PCDH9: variants seen among roughly 807,000 people sequenced by gnomAD.
PCDH9 encodes the protein protocadherin-9.
Under a neutral mutation model 70.6 loss-of-function variants are expected in PCDH9, and 24 were observed. That is an observed-to-expected ratio of 0.34 (90% confidence interval 0.25 to 0.48). The LOEUF (loss-of-function observed/expected upper bound fraction) is 0.48, where lower values mean the gene tolerates loss of function less well. PCDH9 is among the 20% of genes least tolerant of loss of function. The pLI is 0.99. For synonymous variants in PCDH9, 562 were observed against 558.5 expected, an observed-to-expected ratio of 1.01 and a Z score of -0.09; for missense variants, 1,281 against 1,503.6, an observed-to-expected ratio of 0.85 and a Z score of 2.45.
At chr13:66,864,662 A>G (rs902163202) in intron 3 of PCDH9, among the ~76,000 whole-genome samples, 1 of 152,136 alleles carries the variant, frequency 6.6e-6, no homozygotes, top group African/African-American at 2.4e-5. Context: ...CCTGCCCCCA[A>G]AATTTCTCTG....
At chr13:66,946,036 T>G (rs1201471189) in intron 2 of PCDH9, among the ~76,000 whole-genome samples, 1 of 152,196 alleles carries the variant, frequency 6.6e-6, no homozygotes, top group East Asian at 1.9e-4. Flanking sequence ...ATTGAATGGA[T>G]GAAAATAGCA....
intron 3 of PCDH9, among the ~76,000 whole-genome samples, chr13:66,667,534 C>G (rs1427811232): frequency 6.6e-6 from 1 of 152,084 alleles, no homozygotes; most frequent in African/African-American, 2.4e-5. Flanking sequence ...GCCCATGGAC[C>G]TAGTGGAGCT....
Position 67,019,188 on chromosome 13 carries a change from C to T in PCDH9, c.3037-115583G>A, listed in dbSNP as rs865967031. Among the ~76,000 whole-genome samples the T allele has an allele frequency of 9.2e-3, 946 of 102,684 alleles. 2 individuals carry two copies. Among genetic ancestry groups the T allele is most frequent in the Middle Eastern group, 0.014 (2 of 142 alleles). 67.4% of individuals were successfully genotyped at this position (102,684 alleles called of 152,430 possible). A position where few individuals can be genotyped will look rare whatever the true frequency, so the allele number is the denominator to read the frequency against. ...TCCTTAACACCTTCAGGCAGTTGCTCTTTTTTTTTTTTTTTTTTTTTCTGA... is the reference window on the plus strand; with the variant it reads ...TCCTTAACACCTTCAGGCAGTTGCTTTTTTTTTTTTTTTTTTTTTTTCTGA... On this transcript the variant is annotated intron_variant, in intron 2 of 4. Transcript: ENST00000377865.
chr13:66,816,470 A>G (rs1329370717), intron 3 of PCDH9, among the ~76,000 whole-genome samples: 2 of 151,886 alleles, frequency 1.3e-5, no homozygotes, highest in African/African-American at 4.8e-5. Flanking sequence ...ACACACTCAC[A>G]CTCACCATTC....
chr13:67,204,006 C>G (rs2089279953), intron 2 of PCDH9: 1 of 151,964 alleles, frequency 6.6e-6, no homozygotes, highest in Admixed American at 6.6e-5. Context: ...CTTATTAAAA[C>G]TTCAAAAAGA....
chr13:66,632,555 TA>T (rs1363981501), intron 3 of PCDH9, among the ~76,000 whole-genome samples: 3 of 152,204 alleles, frequency 2.0e-5, no homozygotes, highest in African/African-American at 7.2e-5. Context: ...GTATACATGG[TA>T]ACTTCAATAC....
At chr13:66,911,208 A>G (rs2082459805) in intron 2 of PCDH9, among the ~76,000 whole-genome samples, 1 of 152,182 alleles carries the variant, frequency 6.6e-6, no homozygotes, top group Non-Finnish European at 1.5e-5. Flanking sequence ...ATGTGCAGTA[A>G]CAGAACTGAC....
At chr13:67,030,337 T>G (rs1252654894) in intron 2 of PCDH9, among the ~76,000 whole-genome samples, 1 of 152,176 alleles carries the variant, frequency 6.6e-6, no homozygotes, top group Non-Finnish European at 1.5e-5. Context: ...CAACTGAGGC[T>G]AAGAGGATAC....
intron 3 of PCDH9, among the ~76,000 whole-genome samples, chr13:66,649,172 A>G (rs2138985566): frequency 6.6e-6 from 1 of 152,322 alleles, no homozygotes; most frequent in East Asian, 1.9e-4. Context: ...CTTCCCTAAC[A>G]TAGAGAAACA....
At chr13:66,777,450 C>G (rs1335356869) in intron 3 of PCDH9, among the ~76,000 whole-genome samples, 1 of 151,926 alleles carries the variant, frequency 6.6e-6, no homozygotes, top group Non-Finnish European at 1.5e-5. Context: ...AACAAACAAC[C>G]CCATCAAAAA....
intron 4 of PCDH9, among the ~76,000 whole-genome samples, chr13:66,411,688 T>G (rs1957373274): frequency 6.6e-6 from 1 of 151,868 alleles, no homozygotes; most frequent in African/African-American, 2.4e-5. Context: ...GATGGATAGA[T>G]AGATACCCTA....
chr13:66,720,044 C>T (rs561883844), intron 3 of PCDH9, among the ~76,000 whole-genome samples: 1 of 152,274 alleles, frequency 6.6e-6, no homozygotes, highest in South Asian at 2.1e-4. Flanking sequence ...ACCCAGCTAC[C>T]ATGTTTTAGC....
intron 2 of PCDH9, among the ~76,000 whole-genome samples, chr13:66,944,817 CTGTGTGTGTGTGTG>C (rs67182136): frequency 2.1e-4 from 29 of 135,348 alleles, no homozygotes; most frequent in Non-Finnish European, 9.5e-5. Context: ...CTAATCGTCT[CTGTGTGTGTGTGTG>C]TGTGTGTGTG....
chr13:66,582,184 G>C (rs1189522136), intron 4 of PCDH9, among the ~76,000 whole-genome samples: 2 of 151,906 alleles, frequency 1.3e-5, no homozygotes, highest in Non-Finnish European at 2.9e-5. Context: ...GCTTACCTTT[G>C]GAATTTCACA....
intron 3 of PCDH9, among the ~76,000 whole-genome samples, chr13:66,825,900 A>T (rs975793003): frequency 6.6e-6 from 1 of 152,160 alleles, no homozygotes; most frequent in Non-Finnish European, 1.5e-5. Context: ...TAATTTTTTT[A>T]AAAAAGAATG....
rs75510826 is a variant in PCDH9 at position 66,727,869 on chromosome 13, C to T, written c.3139-96458G>A. On this transcript the variant is annotated intron_variant, in intron 3 of 4. Coordinates refer to ENST00000377865, the MANE Select transcript of PCDH9 (RefSeq NM_203487.3). The stretch of plus-strand genomic sequence containing the variant: ...CTAAATTAAATGATGTTAAGGCATA[C>T]GTAAACTTAGAGACTACAGAAGTCT... 3.5e-3 allele frequency among the ~76,000 whole-genome samples: 539 copies of T among 152,056 alleles called. 2 individuals carry two copies. The highest frequency in any genetic ancestry group is 0.012 in the African/African-American group (506 of 41,510).
chr13:67,180,605 T>C (rs1014973739), intron 2 of PCDH9, among the ~76,000 whole-genome samples: 2 of 152,184 alleles, frequency 1.3e-5, no homozygotes, highest in Non-Finnish European at 2.9e-5. Flanking sequence ...GCATGGCCTA[T>C]GTCCATTTAA....
chr13:66,816,577 C>A (rs900561741), intron 3 of PCDH9, among the ~76,000 whole-genome samples: 5 of 152,174 alleles, frequency 3.3e-5, no homozygotes, highest in Admixed American at 3.3e-4. Flanking sequence ...ATCCTGAAGA[C>A]AGCAGGAGGA....
chr13:66,881,464 A>T (rs1009950150), intron 3 of PCDH9, among the ~76,000 whole-genome samples: 1 of 152,178 alleles, frequency 6.6e-6, no homozygotes, highest in Non-Finnish European at 1.5e-5. Context: ...AGAACAGCAC[A>T]GGAAAGACTC....
Sources: gnomAD v4.1 joint callset for allele counts (sites outside exome capture counted in the v4.1 genomes callset) on GRCh38, gnomAD v4.1.1 for gene constraint, MANE v1.5 for transcripts, NCBI Gene and HGNC (gene_info 2026-07-23, HGNC 2026-07-21) for gene names.